Variants in DPP6 observed in about 807,000 individuals in gnomAD.
DPP6 encodes A-type potassium channel modulatory protein DPP6.
A neutral mutation model predicts 122.6 loss-of-function variants in DPP6; 69 were observed. The observed-to-expected ratio is 0.56, with a 90% CI of 0.46 to 0.69. DPP6 has a LOEUF of 0.69. Ranked by LOEUF, DPP6 falls within the 30% of genes least tolerant of loss-of-function variation. The pLI is 0.00. For synonymous variants in DPP6, 418 were observed against 433.1 expected, an observed-to-expected ratio of 0.97 and a Z score of 0.43; for missense variants, 928 against 1,116.9, an observed-to-expected ratio of 0.83 and a Z score of 2.41.
chr7:154,270,450 T>C (rs149148938), intron 1 of DPP6, among the ~76,000 whole-genome samples: 2 of 152,254 alleles, frequency 1.3e-5, no homozygotes. Context: ...ACATGAATCA[T>C]AGAATCTAGA....
rs753590903 is a variant in DPP6 at position 154,483,300 on chromosome 7, G to T, written c.457+8263G>T. ...CTTCCTGGCTCACAGCCCCAGGGAC[G>T]TGTTTGTGTAGACAATAGTGGTGAT... is the stretch of plus-strand genomic sequence containing the variant. On this transcript the variant is annotated intron_variant, in intron 3 of 25. Coordinates refer to ENST00000377770, the MANE Select transcript of DPP6 (RefSeq NM_130797.4). This position sits in a 1 kb window ranked among gnomAD's most constrained non-coding sequence, Gnocchi z 8.1. Among the ~76,000 whole-genome samples the T allele has an allele frequency of 1.3e-5, 2 of 152,122 alleles. No individual in the cohort carries two copies.
At chr7:154,228,046 A>C (rs1800711399) in intron 1 of DPP6, among the ~76,000 whole-genome samples, 1 of 152,218 alleles carries the variant, frequency 6.6e-6, no homozygotes, top group African/African-American at 2.4e-5. Flanking sequence ...GGTAACAGCA[A>C]ATTTAAAAGA....
At chr7:154,384,701 C>T (rs1249487258) in intron 1 of DPP6, among the ~76,000 whole-genome samples, 1 of 151,246 alleles carries the variant, frequency 6.6e-6, no homozygotes, top group Non-Finnish European at 1.5e-5. Flanking sequence ...CACTTTGGCT[C>T]ATGTCTAAGT....
intron 1 of DPP6, among the ~76,000 whole-genome samples, chr7:154,264,918 T>C (rs1412823648): frequency 6.6e-6 from 1 of 151,536 alleles, no homozygotes; most frequent in African/African-American, 2.4e-5. Flanking sequence ...ATAGTGATGA[T>C]GGTGTTAATG....
At chr7:154,832,855 G>GCCT (rs1202522486) in intron 16 of DPP6, among the ~76,000 whole-genome samples, 1 of 152,238 alleles carries the variant, frequency 6.6e-6, no homozygotes, top group Non-Finnish European at 1.5e-5. Flanking sequence ...GAATGGTGTT[G>GCCT]CCTCCAACAT....
At chr7:153,897,765 T>C (rs1291963716) in intron 1 of DPP6, among the ~76,000 whole-genome samples, 1 of 152,228 alleles carries the variant, frequency 6.6e-6, no homozygotes, top group African/African-American at 2.4e-5. Context: ...AATTTCTTCC[T>C]ATTTATTGTT....
chr7:154,155,474 T>A (rs1304886777), intron 1 of DPP6, among the ~76,000 whole-genome samples: 1 of 152,178 alleles, frequency 6.6e-6, no homozygotes, highest in Non-Finnish European at 1.5e-5. Context: ...AGGTAATACC[T>A]ACCACTCTAA....
intron 1 of DPP6, among the ~76,000 whole-genome samples, chr7:154,410,869 T>C (rs897105481): frequency 1.3e-5 from 2 of 152,358 alleles, no homozygotes; most frequent in Non-Finnish European, 1.5e-5. Context: ...GAAAAACATA[T>C]TGATTGTTGC....
chr7:154,774,902 G>C (rs1376834481), intron 10 of DPP6, among the ~76,000 whole-genome samples: 1 of 152,208 alleles, frequency 6.6e-6, no homozygotes, highest in African/African-American at 2.4e-5. Flanking sequence ...GGAAGAGGAG[G>C]CCACCTGGTC....
At position 154,063,600 on chromosome 7, in the gene DPP6, GT is replaced by G. The variant is rs1449537531; in HGVS notation, c.243+10538del. 3.1e-3 allele frequency among the ~76,000 whole-genome samples: 318 copies of G among 104,076 alleles called. 4 individuals carry two copies. Among genetic ancestry groups the G allele is most frequent in the Non-Finnish European group, 4.8e-3 (248 of 51,832 alleles). The allele number at this position is 104,076 out of a possible 152,430, so 68.3% of individuals were successfully genotyped here. A position where few individuals can be genotyped will look rare whatever the true frequency, so the allele number is the denominator to read the frequency against. ...TCTGGCTGATAGTACCCCCATCGCA[GT>G]GAGGGAGGCACCCCCCACGAGGCAG... On this transcript the variant is annotated intron_variant, in intron 1 of 25. Coordinates refer to ENST00000377770, the MANE Select transcript of DPP6 (RefSeq NM_130797.4).
At chr7:154,346,981 C>T (rs576808852) in intron 1 of DPP6, among the ~76,000 whole-genome samples, 1 of 152,068 alleles carries the variant, frequency 6.6e-6, no homozygotes, top group Non-Finnish European at 1.5e-5. Flanking sequence ...AAAGATAATA[C>T]AGGAACCATC....
At chr7:154,076,944 A>G (rs1228132882) in intron 1 of DPP6, among the ~76,000 whole-genome samples, 2 of 152,074 alleles carry the variant, frequency 1.3e-5, no homozygotes, top group African/African-American at 2.4e-5. Context: ...AAAGGACCGA[A>G]AAACCACAGA....
chr7:154,115,476 G>C (rs533843558), intron 1 of DPP6, among the ~76,000 whole-genome samples: 44 of 152,178 alleles, frequency 2.9e-4, no homozygotes, highest in Non-Finnish European at 6.0e-4. Context: ...TCAGAGATTT[G>C]CTCTGAGGTG....
chr7:154,377,932 C>T (rs1414886673), intron 1 of DPP6, among the ~76,000 whole-genome samples: 2 of 152,214 alleles, frequency 1.3e-5, no homozygotes, highest in African/African-American at 4.8e-5. Context: ...GGGAAGATGT[C>T]AACCCCACTG....
rs540856934 is a variant in DPP6 at position 154,875,756 on chromosome 7, C to T, written c.1884-150C>T. 35 of 1,216,488 alleles carry T rather than the reference C, an allele frequency of 2.9e-5. No individual in the cohort carries two copies. Among genetic ancestry groups the T allele is most frequent in the East Asian group, 5.1e-5 (2 of 39,096 alleles). The allele number at this position is 1,216,488 out of a possible 1,614,324, so 75.4% of individuals were successfully genotyped here. A position where few individuals can be genotyped will look rare whatever the true frequency, so the allele number is the denominator to read the frequency against. On this transcript the variant is annotated intron_variant, in intron 19 of 25. Transcript: ENST00000377770. The surrounding 1 kb of genome is among the most constrained non-coding windows in gnomAD (Gnocchi z 4.5). ...GTGGATAACACCTGGCTCACCTGCC[C>T]GGGGCAACAGAATCTGGGGTATGGA...
intron 1 of DPP6, among the ~76,000 whole-genome samples, chr7:153,951,222 A>G (rs949016233): frequency 1.3e-5 from 2 of 152,212 alleles, no homozygotes; most frequent in Non-Finnish European, 2.9e-5. Flanking sequence ...TGAGAAGCGC[A>G]TTGGAGGTTA....
chr7:154,829,004 T>C (rs1800410994), intron 16 of DPP6, among the ~76,000 whole-genome samples: 1 of 152,234 alleles, frequency 6.6e-6, no homozygotes, highest in African/African-American at 2.4e-5. Context: ...GATAATTGTA[T>C]TTTGAAATGC....
intron 2 of DPP6, among the ~76,000 whole-genome samples, chr7:154,463,195 CTTTT>C (rs368362408): frequency 1.9e-3 from 156 of 84,008 alleles, no homozygotes; most frequent in African/African-American, 7.0e-3. Flanking sequence ...TTCTCCTTTT[CTTTT>C]TTTTTTTTTT....
chr7:154,584,183 T>G (rs1663766750), intron 5 of DPP6, among the ~76,000 whole-genome samples: 4 of 152,232 alleles, frequency 2.6e-5, no homozygotes. Flanking sequence ...ATTCCCAATC[T>G]GCACCTCTTC....
Sources: gnomAD v4.1 joint callset for allele counts (sites outside exome capture counted in the v4.1 genomes callset) on GRCh38, gnomAD v4.1.1 for gene constraint, Gnocchi (gnomAD v3.1) non-coding constraint, MANE v1.5 for transcripts, NCBI Gene and HGNC (gene_info 2026-07-23, HGNC 2026-07-21) for gene names.